Variants in PID1 observed in about 807,000 individuals in gnomAD.
PID1 encodes the protein PTB-containing, cubilin and LRP1-interacting protein.
A neutral mutation model predicts 19.1 loss-of-function variants in PID1; 10 were observed. The ratio of observed to expected loss-of-function variants is 0.52; its 90% CI spans 0.32 to 0.89. The LOEUF is 0.89. PID1 is among the 40% of genes least tolerant of loss of function. The pLI is 0.03. For synonymous variants in PID1, 130 were observed against 116.0 expected (o/e 1.12, Z -0.78); for missense variants, 248 against 285.3 (o/e 0.87, Z 0.94).
chr2:229,094,246 G>T (rs1694931152), intron 2 of PID1, among the ~76,000 whole-genome samples: 1 of 152,084 alleles, frequency 6.6e-6, no homozygotes, highest in South Asian at 2.1e-4. Context: ...AGAGATAAGA[G>T]ATCTCTAAGA....
chr2:229,066,699 T>G (rs1320665201), intron 2 of PID1, among the ~76,000 whole-genome samples: 1 of 151,856 alleles, frequency 6.6e-6, no homozygotes, highest in Non-Finnish European at 1.5e-5. Context: ...GTTTCTATTT[T>G]GAGGACATAG....
chr2:229,105,077 A>G (rs1695147394), intron 2 of PID1, among the ~76,000 whole-genome samples: 2 of 152,242 alleles, frequency 1.3e-5, no homozygotes, highest in African/African-American at 2.4e-5. Flanking sequence ...CATTCTGTGA[A>G]ACAAAGATTT....
chr2:229,118,896 G>A (rs879336157), intron 2 of PID1, among the ~76,000 whole-genome samples: 8 of 152,122 alleles, frequency 5.3e-5, no homozygotes, highest in South Asian at 4.1e-4. Context: ...AAAAGAAATC[G>A]ATCTCTCAAG....
chr2:229,179,669 CCAA>C (rs939411238), intron 1 of PID1, among the ~76,000 whole-genome samples: 3 of 152,080 alleles, frequency 2.0e-5, no homozygotes, highest in Admixed American at 6.5e-5. Context: ...TGCAAGATTC[CCAA>C]CAACAACAAC....
intron 1 of PID1, among the ~76,000 whole-genome samples, chr2:229,239,007 C>T (rs1689797752): frequency 6.6e-6 from 1 of 152,028 alleles, no homozygotes; most frequent in Non-Finnish European, 1.5e-5. Flanking sequence ...CAACACCCCG[C>T]TACTATCACC....
intron 2 of PID1, among the ~76,000 whole-genome samples, chr2:229,136,229 T>C (rs1021865536): frequency 6.6e-6 from 1 of 152,096 alleles, no homozygotes; most frequent in African/African-American, 2.4e-5. Flanking sequence ...CTGAAAGGAA[T>C]TGGGTCCCAC....
chr2:229,255,735 A>C (rs1024156021), intron 1 of PID1, among the ~76,000 whole-genome samples: 1 of 152,194 alleles, frequency 6.6e-6, no homozygotes, highest in African/African-American at 2.4e-5. Context: ...AGTTAAAAGT[A>C]GAAGAAGCCT....
At chr2:229,036,410 A>G (rs553906459) in intron 2 of PID1, among the ~76,000 whole-genome samples, 1 of 152,228 alleles carries the variant, frequency 6.6e-6, no homozygotes, top group South Asian at 2.1e-4. Flanking sequence ...CTCTGATACC[A>G]TTTTGGGGTC....
chr2:229,203,789 C>A (rs1404686985), intron 1 of PID1, among the ~76,000 whole-genome samples: 9 of 152,068 alleles, frequency 5.9e-5, no homozygotes, highest in Non-Finnish European at 1.2e-4. Context: ...AGGCTTTGCA[C>A]ATCTTCCCTT....
At chr2:229,194,083 G>A (rs879838690) in intron 1 of PID1, among the ~76,000 whole-genome samples, 17 of 152,086 alleles carry the variant, frequency 1.1e-4, no homozygotes, top group Non-Finnish European at 2.2e-4. Flanking sequence ...TTCTGGGAGG[G>A]AATTAAATTT....
intron 1 of PID1, among the ~76,000 whole-genome samples, chr2:229,207,800 T>C (rs1472614976): frequency 6.6e-6 from 1 of 152,060 alleles, no homozygotes; most frequent in Non-Finnish European, 1.5e-5. Flanking sequence ...GAACCTCAGA[T>C]GCCTTGAGCA....
At chr2:229,224,860 A>G (rs930089987) in intron 1 of PID1, among the ~76,000 whole-genome samples, 1 of 151,664 alleles carries the variant, frequency 6.6e-6, no homozygotes, top group African/African-American at 2.4e-5. Context: ...CTATATTCAA[A>G]TGCCAGCCCT....
chr2:229,194,879 C>G (rs10184838), intron 1 of PID1, among the ~76,000 whole-genome samples: 1 of 151,404 alleles, frequency 6.6e-6, no homozygotes, highest in Admixed American at 6.6e-5. Flanking sequence ...TATACCCATA[C>G]ACACACCCGA....
At chr2:229,126,365 A>G (rs1298552083) in intron 2 of PID1, among the ~76,000 whole-genome samples, 1 of 152,088 alleles carries the variant, frequency 6.6e-6, no homozygotes, top group Non-Finnish European at 1.5e-5. Flanking sequence ...TTAAATTACC[A>G]TTTGGAAAGT....
At chr2:229,237,695 A>G (rs1689750671) in intron 1 of PID1, among the ~76,000 whole-genome samples, 1 of 152,160 alleles carries the variant, frequency 6.6e-6, no homozygotes, top group Non-Finnish European at 1.5e-5. Context: ...AATTGGAGTA[A>G]AAGTGACATT....
intron 1 of PID1, among the ~76,000 whole-genome samples, chr2:229,196,432 C>T (rs1376912348): frequency 5.3e-5 from 8 of 151,964 alleles, no homozygotes; most frequent in Non-Finnish European, 1.0e-4. Context: ...TAAAAGTTAT[C>T]TATACTTTCC....
At chr2:229,219,010 G>T (rs1382906981) in intron 1 of PID1, among the ~76,000 whole-genome samples, 2 of 152,138 alleles carry the variant, frequency 1.3e-5, no homozygotes, top group African/African-American at 4.8e-5. Flanking sequence ...CCTGAAGCCA[G>T]TCTCTCAAGC....
At chr2:229,186,288 G>A (rs1348662031) in intron 1 of PID1, among the ~76,000 whole-genome samples, 2 of 152,132 alleles carry the variant, frequency 1.3e-5, no homozygotes, top group Non-Finnish European at 2.9e-5. Context: ...TTTTCCAGGT[G>A]CACGATACAA....
chr2:229,034,940 C>A (rs1292757262), intron 2 of PID1, among the ~76,000 whole-genome samples: 2 of 152,074 alleles, frequency 1.3e-5, no homozygotes, highest in Non-Finnish European at 2.9e-5. Context: ...CAGTGGCAGT[C>A]CCAGAGCCCA....
Sources: allele counts gnomAD v4.1 joint callset (sites outside exome capture counted in the v4.1 genomes callset), GRCh38; gene constraint gnomAD v4.1.1; transcripts MANE v1.5; gene names NCBI Gene and HGNC (gene_info 2026-07-23, HGNC 2026-07-21).